GLRX3: variants seen among roughly 807,000 people sequenced by gnomAD.
GLRX3 encodes the protein glutaredoxin 3, also known as glutaredoxin-3.
Under a neutral mutation model 49.5 loss-of-function variants are expected in GLRX3, and 22 were observed. The ratio of observed to expected loss-of-function variants is 0.44; its 90% CI spans 0.32 to 0.63. The LOEUF (loss-of-function observed/expected upper bound fraction) is 0.63, where lower values mean the gene tolerates loss of function less well. Among genes scored for constraint, GLRX3 ranks in the 30% least tolerant of loss-of-function variants. The probability of loss-of-function intolerance (pLI) is 0.05; values close to 1 mark genes in which losing one functional copy is unlikely to be tolerated. For synonymous variants in GLRX3, 133 were observed against 140.0 expected (o/e 0.95, Z 0.35); for missense variants, 385 against 396.3 (o/e 0.97, Z 0.24).
At chr10:130,137,234 C>T (rs145523829) in intron 1 of GLRX3, among the ~76,000 whole-genome samples, 2 of 152,296 alleles carry the variant, frequency 1.3e-5, no homozygotes, top group East Asian at 1.9e-4. Flanking sequence ...TCTTCAATCC[C>T]TGGGAAGACT....
chr10:130,145,624 T>G (rs2134876692), intron 2 of GLRX3, among the ~76,000 whole-genome samples: 1 of 152,088 alleles, frequency 6.6e-6, no homozygotes, highest in East Asian at 1.9e-4. Context: ...ATTGTGCCAC[T>G]GCACTCCAGC....
intron 2 of GLRX3, among the ~76,000 whole-genome samples, chr10:130,158,573 CGTAG>C (rs1436735808): frequency 2.0e-5 from 3 of 152,006 alleles, no homozygotes; most frequent in Non-Finnish European, 2.9e-5. Context: ...ATGCCCAGTG[CGTAG>C]TGGGCACTCC....
chr10:130,170,454 TA>T (rs1862782609), intron 7 of GLRX3, among the ~76,000 whole-genome samples: 1 of 152,222 alleles, frequency 6.6e-6, no homozygotes, highest in African/African-American at 2.4e-5. Context: ...CTGGTTAATA[TA>T]ATTAGGTAAT....
intron 1 of GLRX3, among the ~76,000 whole-genome samples, chr10:130,140,386 ATAACG>A (rs1289606493): frequency 4.6e-5 from 7 of 152,182 alleles, no homozygotes. Flanking sequence ...CCAAAAGGGG[ATAACG>A]TTTATATTTG....
intron 7 of GLRX3, 91 bp from the exon 8 acceptor site, chr10:130,171,493 A>C (rs931557271): frequency 1.5e-5 from 12 of 785,052 alleles, no homozygotes; most frequent in South Asian, 7.1e-5. Context: ...ATGCTGGACA[A>C]GTGCTGTGCT....
At chr10:130,169,605 G>C in intron 7 of GLRX3, 115 bp downstream of exon 7, 1 of 715,458 alleles carries the variant, frequency 1.4e-6, no homozygotes, top group Admixed American at 2.2e-5. Context: ...GCGATATCAG[G>C]AAGTTATCCA....
intron 2 of GLRX3, among the ~76,000 whole-genome samples, chr10:130,146,645 G>A (rs550247080): frequency 1.3e-5 from 2 of 152,154 alleles, no homozygotes; most frequent in African/African-American, 4.8e-5. Context: ...GAGGGGAGGT[G>A]CACCTTGTAT....
At chr10:130,157,386 G>A (rs774841879) in intron 2 of GLRX3, among the ~76,000 whole-genome samples, 9 of 150,402 alleles carry the variant, frequency 6.0e-5, no homozygotes, top group Middle Eastern at 3.4e-3. Flanking sequence ...GGAGAGGGAG[G>A]GAGAGAGAGA....
At chr10:130,153,214 T>C (rs969833636) in intron 2 of GLRX3, among the ~76,000 whole-genome samples, 2 of 152,116 alleles carry the variant, frequency 1.3e-5, no homozygotes, top group African/African-American at 4.8e-5. Context: ...TTTTTCAAGG[T>C]TTTTAGCTTC....
At chr10:130,169,605 G>T in intron 7 of GLRX3, 115 bp downstream of exon 7, 2 of 715,458 alleles carry the variant, frequency 2.8e-6, no homozygotes, top group Admixed American at 2.2e-5. Context: ...GCGATATCAG[G>T]AAGTTATCCA....
chr10:130,176,492 T>C (rs1354884300), intron 10 of GLRX3, among the ~76,000 whole-genome samples: 1 of 152,206 alleles, frequency 6.6e-6, no homozygotes, highest in Non-Finnish European at 1.5e-5. Context: ...ATCAGCACTT[T>C]GGACCAATAT....
rs144174867 is a variant in GLRX3, at chr10:130,146,534, C to T, written c.201+1215C>T. On this transcript the variant is annotated intron_variant, in intron 2 of 10. Transcript: ENST00000331244. ...AGCTGTAGTTTTGACTGTGGATTAA[C>T]TCAATTGGTTTAGCACGTTAAAGAT... Among the ~76,000 whole-genome samples, 475 of 152,282 alleles carry T rather than the reference C, an allele frequency of 3.1e-3. 2 individuals are homozygous for T. Among genetic ancestry groups the T allele is most frequent in the Middle Eastern group, 6.8e-3 (2 of 294 alleles).
Position 130,159,985 on chromosome 10 carries a change from T to C in GLRX3, c.202-10T>C. 1 of 1,536,268 alleles carries C rather than the reference T, an allele frequency of 6.5e-7. No individual in the cohort carries two copies. On this transcript the variant is annotated splice_polypyrimidine_tract_variant and intron_variant, in intron 2 of 10. Coordinates refer to ENST00000331244, the MANE Select transcript of GLRX3 (RefSeq NM_006541.5). Reference sequence around the variant, plus strand: ...TGTAATAATCAAGCTTGAATTCTTTTATTTTAAAGTTGGAAGCTGAAGGTG... The same window carrying C: ...TGTAATAATCAAGCTTGAATTCTTTCATTTTAAAGTTGGAAGCTGAAGGTG...
chr10:130,175,196 C>A (rs191285125), intron 10 of GLRX3, 107 bp downstream of exon 10: 7 of 707,646 alleles, frequency 9.9e-6, no homozygotes, highest in Non-Finnish European at 1.8e-5. Flanking sequence ...ACTCCTGTTT[C>A]CAGCCTGACT....
chr10:130,164,967 A>G (rs1214938551), intron 4 of GLRX3, among the ~76,000 whole-genome samples: 10 of 152,234 alleles, frequency 6.6e-5, no homozygotes, highest in Admixed American at 4.6e-4. Flanking sequence ...CAGATGTAGG[A>G]AAAGCAACTT....
intron 2 of GLRX3, among the ~76,000 whole-genome samples, chr10:130,146,025 C>T (rs1862264328): frequency 6.6e-6 from 1 of 152,112 alleles, no homozygotes; most frequent in Non-Finnish European, 1.5e-5. Context: ...GGTCTCTTGA[C>T]CTCGTGATCT....
intron 7 of GLRX3, among the ~76,000 whole-genome samples, chr10:130,170,798 A>C (rs1050064757): frequency 2.6e-5 from 4 of 152,186 alleles, no homozygotes; most frequent in Non-Finnish European, 5.9e-5. Flanking sequence ...AAAAAGCTTA[A>C]GATTTTCATA....
intron 2 of GLRX3, among the ~76,000 whole-genome samples, chr10:130,149,977 G>A (rs1202204265): frequency 2.7e-5 from 4 of 148,430 alleles, no homozygotes; most frequent in South Asian, 2.1e-4. Flanking sequence ...GGTGGCTCAC[G>A]CTTGTAATCC....
intron 2 of GLRX3, among the ~76,000 whole-genome samples, chr10:130,151,524 C>T (rs1018581003): frequency 2.0e-4 from 30 of 152,088 alleles, no homozygotes; most frequent in African/African-American, 7.2e-4. Context: ...CTCCCTCAGC[C>T]CCCCACCCTC....
Sources: gnomAD v4.1 joint callset for allele counts (sites outside exome capture counted in the v4.1 genomes callset) on GRCh38, gnomAD v4.1.1 for gene constraint, MANE v1.5 for transcripts, NCBI Gene and HGNC (gene_info 2026-07-23, HGNC 2026-07-21) for gene names.